The following ADAM22 variants were observed in gnomAD, a reference collection of about 807,000 sequenced individuals.
ADAM22 encodes the protein ADAM metallopeptidase domain 22, also known as disintegrin and metalloproteinase domain-containing protein 22.
A neutral mutation model predicts 144.6 loss-of-function variants in ADAM22; 65 were observed. That is an observed-to-expected ratio of 0.45 (90% CI 0.37 to 0.55). ADAM22 has a LOEUF of 0.55. ADAM22 is among the 20% of genes least tolerant of loss of function. The pLI is 0.00. For synonymous variants in ADAM22, 391 were observed against 412.6 expected, an observed-to-expected ratio of 0.95 and a Z score of 0.63; for missense variants, 974 against 1,184.9, an observed-to-expected ratio of 0.82 and a Z score of 2.61.
intron 25 of ADAM22, 48 bp downstream of exon 25, chr7:88,168,275 C>G (rs373996891): frequency 6.5e-7 from 1 of 1,533,580 alleles, no homozygotes; most frequent in Non-Finnish European, 9.0e-7. Flanking sequence ...TACTTCTAAA[C>G]ATTTTGATTA....
intron 3 of ADAM22, among the ~76,000 whole-genome samples, chr7:88,062,610 T>A (rs1051458650): frequency 6.6e-6 from 1 of 152,248 alleles, no homozygotes; most frequent in African/African-American, 2.4e-5. Flanking sequence ...GCATTTTTAA[T>A]TTCCTTCAAG....
chr7:87,949,270 G>A (rs955989182), intron 2 of ADAM22, among the ~76,000 whole-genome samples: 13 of 152,124 alleles, frequency 8.5e-5, no homozygotes, highest in African/African-American at 3.1e-4. Context: ...ATTAGGAAAG[G>A]CAAAGCCTAT....
chr7:88,096,306 A>G (rs556892570), intron 4 of ADAM22, among the ~76,000 whole-genome samples: 121 of 150,532 alleles, frequency 8.0e-4, no homozygotes, highest in Non-Finnish European at 1.3e-3. Context: ...TTCTGCTCTT[A>G]CTTTTGTAAT....
chr7:88,102,173 G>T (rs1056279765), intron 4 of ADAM22, among the ~76,000 whole-genome samples: 2 of 152,190 alleles, frequency 1.3e-5, no homozygotes, highest in African/African-American at 4.8e-5. Flanking sequence ...AGATCTTTCT[G>T]TATCCTTTGC....
rs1027903544 is a variant in ADAM22 at position 88,200,948 on chromosome 7, G to A, written c.*4457G>A. On this transcript the variant is annotated 3_prime_UTR_variant, in exon 32 of 32. Transcript: ENST00000413139. ...GGCTGAGCGGCAGCAGCCCATCCCA[G>A]CTGTGTGTGAGTAGCCCCGCTGTTA... is the stretch of plus-strand genomic sequence containing the variant. The A allele has an allele frequency of 6.6e-6, 1 of 152,302 alleles. No homozygotes were observed. The highest frequency in any genetic ancestry group is 6.5e-5 in the Admixed American group (1 of 15,286). 9.4% of individuals were successfully genotyped at this position (152,302 alleles called of 1,614,324 possible).
chr7:88,068,353 C>T (rs111630261), intron 3 of ADAM22, among the ~76,000 whole-genome samples: 2,419 of 152,152 alleles, frequency 0.016, 26 homozygotes, highest in Non-Finnish European at 0.027. Flanking sequence ...CAGTTCTCTT[C>T]TTCTGGAGAG....
At chr7:87,963,900 G>A (rs1415593030) in intron 2 of ADAM22, among the ~76,000 whole-genome samples, 2 of 152,178 alleles carry the variant, frequency 1.3e-5, no homozygotes, top group African/African-American at 4.8e-5. Flanking sequence ...TGAAGAAAGA[G>A]TTTTGAGAGT....
chr7:87,996,844 T>A (rs1791357797), intron 3 of ADAM22, among the ~76,000 whole-genome samples: 1 of 152,242 alleles, frequency 6.6e-6, no homozygotes, highest in Admixed American at 6.5e-5. Flanking sequence ...GTCAGTTAAC[T>A]GCTCATTGCC....
intron 2 of ADAM22, among the ~76,000 whole-genome samples, chr7:87,968,604 C>T (rs1464235345): frequency 6.6e-6 from 1 of 151,990 alleles, no homozygotes; most frequent in African/African-American, 2.4e-5. Flanking sequence ...GCTTATAGTC[C>T]CAGCTACTCA....
At chr7:88,062,533 T>G (rs757598205) in intron 3 of ADAM22, among the ~76,000 whole-genome samples, 5 of 152,262 alleles carry the variant, frequency 3.3e-5, no homozygotes, top group Admixed American at 6.5e-5. Flanking sequence ...TCTAGACCAC[T>G]AAAACTTTCT....
rs531377459 is a variant in ADAM22 at position 87,990,234 on chromosome 7, G to A, written c.323+11822G>A. On this transcript the variant is annotated intron_variant, in intron 3 of 31. Transcript: ENST00000413139. ...ATACAGTGTGTAAAGGAGCATAAAAGAGGTATGGCCAGTGGCACTGGGAGT... is the reference window on the plus strand; with the variant it reads ...ATACAGTGTGTAAAGGAGCATAAAAAAGGTATGGCCAGTGGCACTGGGAGT... Among the ~76,000 whole-genome samples, 31 of 152,324 alleles carry A rather than the reference G, an allele frequency of 2.0e-4. 2 individuals are homozygous for A. The highest frequency in any genetic ancestry group is 6.8e-3 in the Middle Eastern group (2 of 294).
chr7:88,017,811 ATG>A (rs530256641), intron 3 of ADAM22, among the ~76,000 whole-genome samples: 112 of 151,852 alleles, frequency 7.4e-4, no homozygotes, highest in African/African-American at 2.6e-3. Context: ...GTGTATATAT[ATG>A]TGTGTGTGTG....
chr7:87,937,402 C>T (rs931199097), intron 2 of ADAM22, among the ~76,000 whole-genome samples: 4 of 152,014 alleles, frequency 2.6e-5, no homozygotes, highest in African/African-American at 9.7e-5. Context: ...CTGTTGTAGC[C>T]AGTGCTTTAA....
At chr7:88,023,262 TG>T (rs1798221011) in intron 3 of ADAM22, among the ~76,000 whole-genome samples, 2 of 152,196 alleles carry the variant, frequency 1.3e-5, no homozygotes. Context: ...TTATTGATAT[TG>T]TTTTTAATTT....
intron 3 of ADAM22, among the ~76,000 whole-genome samples, chr7:88,027,343 G>A (rs1291471105): frequency 3.3e-5 from 5 of 152,256 alleles, no homozygotes; most frequent in South Asian, 2.1e-4. Flanking sequence ...AAATTCAGCC[G>A]TGAAGCCTTA....
intron 11 of ADAM22, 86 bp downstream of exon 11, chr7:88,131,521 A>G (rs1831768439): frequency 7.1e-7 from 1 of 1,406,058 alleles, no homozygotes; most frequent in Admixed American, 1.8e-5. Flanking sequence ...TTTCTGCTAC[A>G]TAACACAATT....
chr7:87,967,459 A>C (rs1849396008), intron 2 of ADAM22, among the ~76,000 whole-genome samples: 1 of 152,130 alleles, frequency 6.6e-6, no homozygotes, highest in African/African-American at 2.4e-5. Context: ...CCTGTCTCAA[A>C]AAGAATAAAA....
At chr7:88,177,373 A>T (rs1450268442) in intron 26 of ADAM22, among the ~76,000 whole-genome samples, 2 of 152,162 alleles carry the variant, frequency 1.3e-5, no homozygotes, top group Non-Finnish European at 2.9e-5. Context: ...GGTGTCATGT[A>T]ACAATATAAA....
At position 88,186,558 on chromosome 7, in the gene ADAM22, ATTT is replaced by A; in HGVS notation, c.2664-55_2664-53del. 3 of 1,136,896 alleles carry A rather than the reference ATTT, an allele frequency of 2.6e-6. No individual in the cohort carries two copies. In the Admixed American group the frequency reaches 5.1e-5, roughly 20 times the overall value. 70.4% of individuals were successfully genotyped at this position (1,136,896 alleles called of 1,614,324 possible). ...CATCCTTGCTAAGCTTGTGCTGTGTATTTTCAGATTTTCTATCTTGTTCTGCTT... is the reference window on the plus strand; with the variant it reads ...CATCCTTGCTAAGCTTGTGCTGTGTATCAGATTTTCTATCTTGTTCTGCTT... On this transcript the variant is annotated intron_variant, in intron 29 of 31. Coordinates refer to ENST00000413139, the MANE Select transcript of ADAM22 (RefSeq NM_001324418.2).
Sources: allele counts gnomAD v4.1 joint callset (sites outside exome capture counted in the v4.1 genomes callset), GRCh38; gene constraint gnomAD v4.1.1; transcripts MANE v1.5; gene names NCBI Gene and HGNC (gene_info 2026-07-23, HGNC 2026-07-21).